SLC35D4: variants seen among roughly 807,000 people sequenced by gnomAD.
SLC35D4 encodes UDP-N-acetylglucosamine transporter SLC35D4.
the SLC35D4 span, among the ~76,000 whole-genome samples, chr18:23,328,602 T>C: frequency 6.6e-6 from 1 of 152,124 alleles, no homozygotes; most frequent in Non-Finnish European, 1.5e-5. Flanking sequence ...ATAGGAAGAA[T>C]CAATATCGTG....
chr18:23,345,914 C>T, the SLC35D4 span, among the ~76,000 whole-genome samples: 9 of 152,020 alleles, frequency 5.9e-5, no homozygotes, highest in African/African-American at 1.9e-4. Context: ...CTTTTTGATG[C>T]TATTGTGAAT....
At chr18:23,387,593 T>G in the SLC35D4 span, among the ~76,000 whole-genome samples, 1 of 152,230 alleles carries the variant, frequency 6.6e-6, no homozygotes, top group Non-Finnish European at 1.5e-5. Context: ...GATGAATTTA[T>G]TCTTTATCTT....
the SLC35D4 span, among the ~76,000 whole-genome samples, chr18:23,245,737 T>C: frequency 2.2e-3 from 333 of 152,306 alleles, no homozygotes; most frequent in Non-Finnish European, 3.7e-3. Flanking sequence ...CATCTGACCT[T>C]CTCCTTTCCC....
the SLC35D4 span, among the ~76,000 whole-genome samples, chr18:23,417,212 A>C: frequency 2.0e-5 from 3 of 151,696 alleles, no homozygotes; most frequent in Admixed American, 1.3e-4. Flanking sequence ...ACTGCACTCC[A>C]GCCTGGACGA....
the SLC35D4 span, among the ~76,000 whole-genome samples, chr18:23,404,887 G>A: frequency 6.6e-6 from 1 of 150,798 alleles, no homozygotes; most frequent in African/African-American, 2.4e-5. Flanking sequence ...TCAGGAGGCT[G>A]AGGCAGGAGA....
At chr18:23,434,153 A>G in the SLC35D4 span, among the ~76,000 whole-genome samples, 1 of 152,146 alleles carries the variant, frequency 6.6e-6, no homozygotes, top group Non-Finnish European at 1.5e-5. Flanking sequence ...TAAGAGATAT[A>G]AAGTTCCTCA....
chr18:23,429,595 T>G, the SLC35D4 span, among the ~76,000 whole-genome samples: 6 of 152,158 alleles, frequency 3.9e-5, no homozygotes, highest in Admixed American at 3.9e-4. Context: ...AGGCTGATCT[T>G]GAACTCCTGA....
the SLC35D4 span, among the ~76,000 whole-genome samples, chr18:23,388,646 T>C: frequency 6.6e-6 from 1 of 152,200 alleles, no homozygotes; most frequent in Non-Finnish European, 1.5e-5. Context: ...ATAAACCTGC[T>C]GATATGGTTT....
the SLC35D4 span, chr18:23,258,102 G>A: frequency 6.6e-6 from 1 of 152,400 alleles, no homozygotes; most frequent in South Asian, 2.1e-4. Context: ...ACCCACCAAG[G>A]GGATAAAGAA....
chr18:23,267,189 C>T, the SLC35D4 span, among the ~76,000 whole-genome samples: 2 of 152,204 alleles, frequency 1.3e-5, no homozygotes, highest in African/African-American at 2.4e-5. Flanking sequence ...TTTTGTGAGA[C>T]GCGATGTGGC....
At chr18:23,421,502 C>A in the SLC35D4 span, 2 of 1,509,614 alleles carry the variant, frequency 1.3e-6, no homozygotes, top group Non-Finnish European at 1.8e-6. Context: ...CCAACACCAT[C>A]CAGCCCCAGC....
chr18:23,321,617 G>C, the SLC35D4 span, among the ~76,000 whole-genome samples: 992 of 152,232 alleles, frequency 6.5e-3, 12 homozygotes, highest in African/African-American at 0.023. Flanking sequence ...ACCACACCCA[G>C]CTAATTTTTG....
the SLC35D4 span, among the ~76,000 whole-genome samples, chr18:23,347,564 A>G: frequency 6.6e-6 from 1 of 152,086 alleles, no homozygotes; most frequent in East Asian, 1.9e-4. Context: ...GATTACAGGT[A>G]TGTGACACCA....
chr18:23,379,125 CTTTT>C, the SLC35D4 span, among the ~76,000 whole-genome samples: 1 of 139,352 alleles, frequency 7.2e-6, no homozygotes, highest in Non-Finnish European at 1.6e-5. Context: ...CTCAAAAATT[CTTTT>C]TTTTTTTTTT....
At chr18:23,307,159 C>T in the SLC35D4 span, among the ~76,000 whole-genome samples, 3 of 152,214 alleles carry the variant, frequency 2.0e-5, no homozygotes, top group South Asian at 2.1e-4. Flanking sequence ...TGACGTCTGG[C>T]AAGAGGAGTT....
chr18:23,280,641 G>A, the SLC35D4 span, among the ~76,000 whole-genome samples: 38 of 152,178 alleles, frequency 2.5e-4, no homozygotes, highest in Non-Finnish European at 4.6e-4. Flanking sequence ...CCACCTCACA[G>A]TGCTGACCAC....
the SLC35D4 span, among the ~76,000 whole-genome samples, chr18:23,248,020 CCAAGAGCTAGGA>C: frequency 6.6e-6 from 1 of 152,230 alleles, no homozygotes; most frequent in Non-Finnish European, 1.5e-5. Flanking sequence ...GCTGCAGACC[CCAAGAGCTAGGA>C]CAAGGCTGCT....
At chr18:23,248,430 C>G in the SLC35D4 span, among the ~76,000 whole-genome samples, 1 of 151,444 alleles carries the variant, frequency 6.6e-6, no homozygotes, top group Non-Finnish European at 1.5e-5. Flanking sequence ...TCTGCAGCCC[C>G]GACCACTCAG....
chr18:23,302,359 G>A, the SLC35D4 span, among the ~76,000 whole-genome samples: 1 of 152,190 alleles, frequency 6.6e-6, no homozygotes, highest in Non-Finnish European at 1.5e-5. Flanking sequence ...TTCTCAACTG[G>A]GGTGGGACTT....
Sources: gnomAD v4.1 joint callset for allele counts (sites outside exome capture counted in the v4.1 genomes callset) on GRCh38, gnomAD v4.1.1 for gene constraint, MANE v1.5 for transcripts, NCBI Gene and HGNC (gene_info 2026-07-23, HGNC 2026-07-21) for gene names.